EHMT1: variants seen among roughly 807,000 people sequenced by gnomAD.
The protein encoded by EHMT1 is histone-lysine N-methyltransferase EHMT1.
In EHMT1, 15 loss-of-function variants were observed where a neutral mutation model predicts 147.2. The observed-to-expected ratio is 0.10, with a 90% CI of 0.07 to 0.16. The LOEUF is 0.16. EHMT1 is among the 10% of genes least tolerant of loss of function. The pLI, the probability that EHMT1 is intolerant of heterozygous loss-of-function variation, is 1.00. For missense variants in EHMT1, 1,587 were observed against 1,772.4 expected (o/e 0.90, Z 1.88); for synonymous variants, 795 against 709.6 (o/e 1.12, Z -1.91).
chr9:137,760,875 G>A (rs1355447730), intron 9 of EHMT1, among the ~76,000 whole-genome samples: 1 of 152,240 alleles, frequency 6.6e-6, no homozygotes, highest in East Asian at 1.9e-4. Flanking sequence ...AGGCGTGGTG[G>A]CGGGCGCCTG....
intron 1 of EHMT1, among the ~76,000 whole-genome samples, chr9:137,639,350 A>G (rs1844316501): frequency 6.6e-6 from 1 of 152,192 alleles, no homozygotes. Flanking sequence ...ATTGGTTGAT[A>G]GTATTAAGTC....
At chr9:137,707,472 C>G (rs2135316207) in intron 1 of EHMT1, among the ~76,000 whole-genome samples, 1 of 152,298 alleles carries the variant, frequency 6.6e-6, no homozygotes, top group East Asian at 1.9e-4. Context: ...CCATCCTCAG[C>G]TGTCCCTTAA....
chr9:137,720,287 T>G (rs1365413730), intron 3 of EHMT1, among the ~76,000 whole-genome samples: 1 of 151,968 alleles, frequency 6.6e-6, no homozygotes, highest in East Asian at 1.9e-4. Flanking sequence ...ATCTGCAGAT[T>G]CCATTTTTAT....
intron 8 of EHMT1, among the ~76,000 whole-genome samples, chr9:137,755,386 A>T (rs1317680014): frequency 2.0e-5 from 3 of 152,222 alleles, no homozygotes; most frequent in African/African-American, 7.2e-5. Flanking sequence ...TTGAGTTGCC[A>T]GGCTGTCGAA....
intron 16 of EHMT1, among the ~76,000 whole-genome samples, 160 bp from the exon 17 acceptor site, chr9:137,798,653 C>T (rs917902037): frequency 9.9e-5 from 15 of 152,186 alleles, no homozygotes; most frequent in Non-Finnish European, 1.3e-4. Flanking sequence ...GCTTGGACCT[C>T]GGCTGTTCCC....
In EHMT1 at chr9:137,732,948, C is replaced by G. The variant is rs767375010; in HGVS notation, c.823+4419C>G. 6.6e-6 allele frequency among the ~76,000 whole-genome samples: 1 copy of G among 152,180 alleles called. No individual in the cohort carries two copies. Among genetic ancestry groups the G allele is most frequent in the Non-Finnish European group, 1.5e-5 (1 of 68,042 alleles). ...TTCTGCTCTTTCCCTCCTGCTACCC[C>G]CTTAAGTTTACCACAGGCAGGAAAG... is the stretch of plus-strand genomic sequence containing the variant. On this transcript the variant is annotated intron_variant, in intron 4 of 26. Transcript: ENST00000460843. The surrounding 1 kb of genome is among the most constrained non-coding windows in gnomAD (Gnocchi z 4.6).
At chr9:137,717,363 G>C in intron 3 of EHMT1, 181 bp downstream of exon 3, 1 of 812,508 alleles carries the variant, frequency 1.2e-6, no homozygotes, top group Non-Finnish European at 2.0e-6. Flanking sequence ...AGCACTTTGG[G>C]AGGCTGAGGC....
At chr9:137,798,416 G>T (rs1243453727) in intron 16 of EHMT1, among the ~76,000 whole-genome samples, 1 of 147,684 alleles carries the variant, frequency 6.8e-6, no homozygotes, top group African/African-American at 2.5e-5. Flanking sequence ...AGGAGAGAAA[G>T]AAAAAAAAAA....
At chr9:137,677,109 A>G (rs1157128342) in intron 1 of EHMT1, among the ~76,000 whole-genome samples, 1 of 151,686 alleles carries the variant, frequency 6.6e-6, no homozygotes, top group African/African-American at 2.4e-5. Flanking sequence ...GATCACGGAC[A>G]TGAGTTGTCA....
At chr9:137,804,222 G>A (rs1311187121) in intron 18 of EHMT1, among the ~76,000 whole-genome samples, 4 of 152,162 alleles carry the variant, frequency 2.6e-5, no homozygotes, top group African/African-American at 9.7e-5. Flanking sequence ...GATTTGGGTG[G>A]GGACACAGAG....
chr9:137,739,418 C>A (rs1947857163), intron 4 of EHMT1, among the ~76,000 whole-genome samples: 2 of 152,064 alleles, frequency 1.3e-5, no homozygotes, highest in African/African-American at 4.8e-5. Context: ...AGTGTCCACA[C>A]TTGTAGGTTG....
At chr9:137,635,931 T>G (rs1190684891) in intron 1 of EHMT1, among the ~76,000 whole-genome samples, 2 of 152,028 alleles carry the variant, frequency 1.3e-5, no homozygotes, top group East Asian at 3.9e-4. Flanking sequence ...AAAAATTTTT[T>G]TTTTTTGAGA....
At chr9:137,720,215 C>T (rs1211240121) in intron 3 of EHMT1, among the ~76,000 whole-genome samples, 1 of 152,150 alleles carries the variant, frequency 6.6e-6, no homozygotes, top group Non-Finnish European at 1.5e-5. Context: ...ACCCCCCACA[C>T]CAGGGTCCCT....
At chr9:137,623,859 G>A (rs1843090183) in intron 1 of EHMT1, among the ~76,000 whole-genome samples, 1 of 152,046 alleles carries the variant, frequency 6.6e-6, no homozygotes. Context: ...TTCTTTTTGA[G>A]ACAGTCTGGA....
At chr9:137,723,773 C>T (rs1170382722) in intron 3 of EHMT1, among the ~76,000 whole-genome samples, 3 of 152,212 alleles carry the variant, frequency 2.0e-5, no homozygotes, top group Admixed American at 6.5e-5. Flanking sequence ...AGTGATAAAA[C>T]GAATGTTGCA....
At chr9:137,833,703 G>A (rs1330889957) in intron 25 of EHMT1, among the ~76,000 whole-genome samples, 1 of 152,240 alleles carries the variant, frequency 6.6e-6, no homozygotes, top group Admixed American at 6.5e-5. Context: ...CCGGAATCCT[G>A]GGCTCCTCTC....
At chr9:137,738,564 G>A (rs1013629447) in intron 4 of EHMT1, 1 of 152,130 alleles carries the variant, frequency 6.6e-6, no homozygotes, top group Non-Finnish European at 1.5e-5. Flanking sequence ...AGCACTGAAA[G>A]CAGGGTCTTG....
Position 137,834,984 on chromosome 9 carries a change from C to A in EHMT1, c.*31C>A. 7.3e-7 allele frequency: 1 copy of A among 1,378,258 alleles called. No individual in the cohort carries two copies. The highest frequency in any genetic ancestry group is 9.3e-7 in the Non-Finnish European group (1 of 1,074,018). 85.4% of individuals were successfully genotyped at this position (1,378,258 alleles called of 1,614,324 possible). On this transcript the variant is annotated 3_prime_UTR_variant, in exon 27 of 27. Transcript: ENST00000460843. ...CGCCGGCCAGCGGGGCGCTCGGGAGCCAGGGACCGCCGCGTCGCCGATTAG... is the reference window on the plus strand; with the variant it reads ...CGCCGGCCAGCGGGGCGCTCGGGAGACAGGGACCGCCGCGTCGCCGATTAG...
intron 1 of EHMT1, among the ~76,000 whole-genome samples, chr9:137,681,321 A>G (rs1295055935): frequency 2.0e-5 from 3 of 152,162 alleles, no homozygotes; most frequent in Non-Finnish European, 4.4e-5. Flanking sequence ...TGGAACCCTG[A>G]GAATTGTATT....
Sources: allele counts gnomAD v4.1 joint callset (sites outside exome capture counted in the v4.1 genomes callset), GRCh38; gene constraint gnomAD v4.1.1; non-coding constraint Gnocchi (gnomAD v3.1); transcripts MANE v1.5; gene names NCBI Gene and HGNC (gene_info 2026-07-23, HGNC 2026-07-21).